ZC3HAV1L: variants seen among roughly 807,000 people sequenced by gnomAD.
ZC3HAV1L encodes the protein ZC3HAV1 like, also known as zinc finger CCCH-type antiviral protein 1-like.
In ZC3HAV1L, 23 loss-of-function variants were observed where a neutral mutation model predicts 28.2. The observed-to-expected ratio is 0.82, with a 90% CI of 0.59 to 1.16. ZC3HAV1L has a LOEUF of 1.16. ZC3HAV1L is among the 50% of genes most tolerant of loss of function. ZC3HAV1L has a pLI of 0.00. For synonymous variants in ZC3HAV1L, 180 were observed against 163.4 expected (o/e 1.10, Z -0.78); for missense variants, 376 against 387.7 (o/e 0.97, Z 0.25).
downstream of ZC3HAV1L, among the ~76,000 whole-genome samples, chr7:139,024,103 C>T (rs10257544): frequency 0.55 from 84,268 of 151,994 alleles, 23,929 homozygotes; most frequent in African/African-American, 0.64. Flanking sequence ...GTAGAGTCTA[C>T]AGACATGCGA....
In ZC3HAV1L at chr7:139,028,685, T is replaced by C. The variant is rs1815429758; in HGVS notation, c.760+17A>G. On this transcript the variant is annotated intron_variant, in intron 3 of 4. Coordinates refer to ENST00000275766, the MANE Select transcript of ZC3HAV1L (RefSeq NM_080660.4). ...CCATATCGCTGATACTTCTCTGTCCTTCTTGGATATTCCTACCTGTATTTT... is the reference window on the plus strand; with the variant it reads ...CCATATCGCTGATACTTCTCTGTCCCTCTTGGATATTCCTACCTGTATTTT... The C allele has an allele frequency of 6.2e-7, 1 of 1,610,332 alleles. No homozygotes were observed. The highest frequency in any genetic ancestry group is 1.3e-5 in the African/African-American group (1 of 74,866).
rs1265255670 is a variant in ZC3HAV1L, at chr7:139,025,776, A to G, written c.*768T>C. On this transcript the variant is annotated 3_prime_UTR_variant, in exon 5 of 5. Transcript: ENST00000275766. ...TCCTTTAGCATCTATAAGCTAAGCA[A>G]AAGTAAAAAATAGCTGGAAAAATTC... 1 of 152,176 alleles carries G rather than the reference A, an allele frequency of 6.6e-6. No homozygotes were observed. Among genetic ancestry groups the G allele is most frequent in the African/African-American group, 2.4e-5 (1 of 41,436 alleles). 9.4% of individuals were successfully genotyped at this position (152,176 alleles called of 1,614,324 possible).
At chr7:139,035,524 G>A in intron 1 of ZC3HAV1L, 129 bp downstream of exon 1, 3 of 1,313,680 alleles carry the variant, frequency 2.3e-6, no homozygotes, top group Non-Finnish European at 2.9e-6. Context: ...CCTGCGGGAG[G>A]GGGTCGTCCA....
At chr7:139,022,323 T>C, downstream of ZC3HAV1L, 1 of 330,770 alleles carries the variant, frequency 3.0e-6, no homozygotes, top group South Asian at 2.5e-5. Context: ...GCGGGAGGAC[T>C]GCTTGAGCTT....
intron 2 of ZC3HAV1L, among the ~76,000 whole-genome samples, chr7:139,031,659 C>A (rs961010466): frequency 5.3e-5 from 8 of 152,102 alleles, no homozygotes; most frequent in Non-Finnish European, 1.2e-4. Flanking sequence ...TATCCCAGCA[C>A]TTTGGGAGGC....
downstream of ZC3HAV1L, chr7:139,022,251 G>A (rs1434103616): frequency 5.8e-6 from 1 of 172,158 alleles, no homozygotes; most frequent in African/African-American, 2.4e-5. Context: ...TTTTAATATT[G>A]GAAAAAATAT....
At chr7:139,027,843 A>C (rs952982858) in intron 3 of ZC3HAV1L, among the ~76,000 whole-genome samples, 1 of 152,236 alleles carries the variant, frequency 6.6e-6, no homozygotes, top group African/African-American at 2.4e-5. Flanking sequence ...TGTATATAAC[A>C]GAACTGAAGG....
rs751447692 is a variant in ZC3HAV1L, at chr7:139,034,698, G to C, written c.366-20C>G. The C allele has an allele frequency of 1.2e-6, 2 of 1,612,930 alleles. No individual in the cohort carries two copies. The highest frequency in any genetic ancestry group is 1.1e-5 in the South Asian group (1 of 91,000). On this transcript the variant is annotated intron_variant, in intron 1 of 4. Coordinates refer to ENST00000275766, the MANE Select transcript of ZC3HAV1L (RefSeq NM_080660.4). Reference sequence around the variant, plus strand: ...GTAGACCTAAAAGAACAAAGCCCTCGGTCAGATGCCCAGGTGAAGAAGGAC... The same window carrying C: ...GTAGACCTAAAAGAACAAAGCCCTCCGTCAGATGCCCAGGTGAAGAAGGAC...
rs552785377 is a variant in ZC3HAV1L, at chr7:139,035,571, C to G, written c.365+82G>C. On this transcript the variant is annotated intron_variant, in intron 1 of 4. Coordinates refer to ENST00000275766, the MANE Select transcript of ZC3HAV1L (RefSeq NM_080660.4). ...CCGGCCCGGGGCAGGACGAAGCCCC[C>G]CTTCCCGTCGCTCCCGCTTCCAGCA... 1.4e-4 allele frequency: 185 copies of G among 1,341,522 alleles called. No homozygotes were observed. In the South Asian group the frequency reaches 3.1e-3, roughly 23 times the overall value. 83.1% of individuals were successfully genotyped at this position (1,341,522 alleles called of 1,614,324 possible).
chr7:139,033,392 C>G (rs1274970385), intron 2 of ZC3HAV1L, among the ~76,000 whole-genome samples: 1 of 152,090 alleles, frequency 6.6e-6, no homozygotes, highest in Admixed American at 6.6e-5. Flanking sequence ...TGAAACTTTA[C>G]CTGTCTATTG....
intron 2 of ZC3HAV1L, 41 bp from the exon 3 acceptor site, chr7:139,029,001 CT>C (rs752489592): frequency 5.6e-3 from 6,503 of 1,156,192 alleles, no homozygotes; most frequent in Admixed American, 0.012. Flanking sequence ...ATTAGTTTTT[CT>C]TTTTTTTTTG....
intron 3 of ZC3HAV1L, among the ~76,000 whole-genome samples, chr7:139,028,320 C>G (rs1231255961): frequency 6.8e-6 from 1 of 146,328 alleles, no homozygotes; most frequent in Non-Finnish European, 1.5e-5. Flanking sequence ...ATGCAGTGAG[C>G]CCCGATCGCG....
downstream of ZC3HAV1L, among the ~76,000 whole-genome samples, chr7:139,024,081 T>C (rs1815299136): frequency 6.6e-6 from 1 of 152,222 alleles, no homozygotes; most frequent in Non-Finnish European, 1.5e-5. Context: ...CAATTTAGAA[T>C]ACATTGAATT....
chr7:139,029,857 A>G (rs1345210453), intron 2 of ZC3HAV1L, among the ~76,000 whole-genome samples: 1 of 152,166 alleles, frequency 6.6e-6, no homozygotes, highest in Admixed American at 6.5e-5. Flanking sequence ...AGGGAGCACT[A>G]TTAATAATCA....
chr7:139,034,747 G>A, intron 1 of ZC3HAV1L, 69 bp from the exon 2 acceptor site: 1 of 1,580,416 alleles, frequency 6.3e-7, no homozygotes, highest in Non-Finnish European at 8.6e-7. Flanking sequence ...TCCTTGCCTT[G>A]AGCAGCTTTC....
chr7:139,034,983 GCCACAGT>G, intron 1 of ZC3HAV1L: 1 of 985,414 alleles, frequency 1.0e-6, no homozygotes, highest in Non-Finnish European at 1.2e-6. Flanking sequence ...GGCAACAGCT[GCCACAGT>G]CCACCAACGT....
downstream of ZC3HAV1L, chr7:139,025,676 A>C (rs1396050313): frequency 6.6e-6 from 1 of 152,218 alleles, no homozygotes; most frequent in Non-Finnish European, 1.5e-5. Context: ...AAATGAAAAA[A>C]TAAGAACAAT....
rs150083271 is a variant in ZC3HAV1L at position 139,031,679 on chromosome 7, C to A, written c.502-2719G>T. The stretch of plus-strand genomic sequence containing the variant: ...CAGCACTTTGGGAGGCCAAGGTGGG[C>A]GGATCACTTGAGGTCAAGAGTTCAA... On this transcript the variant is annotated intron_variant, in intron 2 of 4. Coordinates refer to ENST00000275766, the MANE Select transcript of ZC3HAV1L (RefSeq NM_080660.4). Among the ~76,000 whole-genome samples the A allele has an allele frequency of 2.7e-3, 410 of 152,210 alleles. 1 individual carries two copies. Among genetic ancestry groups the A allele is most frequent in the African/African-American group, 8.6e-3 (359 of 41,530 alleles).
intron 2 of ZC3HAV1L, chr7:139,033,851 T>C (rs1319995237): frequency 2.0e-6 from 2 of 985,280 alleles, no homozygotes; most frequent in African/African-American, 3.5e-5. Flanking sequence ...CACCCTCCTC[T>C]CCCTTCCTGC....
Sources: allele counts gnomAD v4.1 joint callset (sites outside exome capture counted in the v4.1 genomes callset), GRCh38; gene constraint gnomAD v4.1.1; transcripts MANE v1.5; gene names NCBI Gene and HGNC (gene_info 2026-07-23, HGNC 2026-07-21).